CAMK2D: variants seen among roughly 807,000 people sequenced by gnomAD.
CAMK2D encodes calcium/calmodulin dependent protein kinase II delta, also known as calcium/calmodulin-dependent protein kinase type II subunit delta.
Under a neutral mutation model 84.0 loss-of-function variants are expected in CAMK2D, and 37 were observed. That is an observed-to-expected ratio of 0.44 (90% CI 0.34 to 0.58). The LOEUF is 0.58. Ranked by LOEUF, CAMK2D falls within the 20% of genes least tolerant of loss-of-function variation. CAMK2D has a pLI of 0.02. For synonymous variants in CAMK2D, 202 were observed against 212.5 expected (o/e 0.95, Z 0.43); for missense variants, 448 against 652.5 (o/e 0.69, Z 3.41).
intron 3 of CAMK2D, among the ~76,000 whole-genome samples, chr4:113,636,849 G>A (rs1394491118): frequency 6.6e-6 from 1 of 152,076 alleles, no homozygotes; most frequent in East Asian, 1.9e-4. Context: ...TGGGGAGGTG[G>A]GCACAAACAT....
chr4:113,690,148 C>A (rs1410655528), intron 2 of CAMK2D, among the ~76,000 whole-genome samples: 1 of 152,032 alleles, frequency 6.6e-6, no homozygotes, highest in Non-Finnish European at 1.5e-5. Context: ...CTTAGCAAAC[C>A]TCAAAATTTG....
At chr4:113,694,951 T>C (rs924596202) in intron 2 of CAMK2D, among the ~76,000 whole-genome samples, 2 of 152,200 alleles carry the variant, frequency 1.3e-5, no homozygotes, top group African/African-American at 4.8e-5. Context: ...TCATGAATTA[T>C]TAGCATATGG....
At chr4:113,665,429 T>C (rs2099253630) in intron 2 of CAMK2D, among the ~76,000 whole-genome samples, 1 of 152,188 alleles carries the variant, frequency 6.6e-6, no homozygotes, top group African/African-American at 2.4e-5. Context: ...AAAAAGCACA[T>C]TTCTGTATTT....
chr4:113,646,764 T>C (rs1466889036), intron 3 of CAMK2D, among the ~76,000 whole-genome samples: 3 of 152,178 alleles, frequency 2.0e-5, no homozygotes, highest in African/African-American at 4.8e-5. Flanking sequence ...TTGCATGCCA[T>C]CCCCTCGTTC....
At chr4:113,639,993 A>G (rs947326162) in intron 3 of CAMK2D, among the ~76,000 whole-genome samples, 1 of 152,066 alleles carries the variant, frequency 6.6e-6, no homozygotes, top group Non-Finnish European at 1.5e-5. Flanking sequence ...ATAGATTTAA[A>G]AGCCACTGAG....
At chr4:113,685,084 G>C (rs185216300) in intron 2 of CAMK2D, among the ~76,000 whole-genome samples, 1 of 152,230 alleles carries the variant, frequency 6.6e-6, no homozygotes, top group East Asian at 1.9e-4. Flanking sequence ...CCAATGATAG[G>C]AGGGAGTCGC....
intron 6 of CAMK2D, among the ~76,000 whole-genome samples, chr4:113,540,650 T>G (rs1384119609): frequency 6.6e-6 from 1 of 152,196 alleles, no homozygotes; most frequent in African/African-American, 2.4e-5. Flanking sequence ...ACAGTTTCTA[T>G]GAAACAATAA....
chr4:113,721,188 A>G lies in CAMK2D; in HGVS notation c.160+38132T>C, dbSNP rs535672549. On this transcript the variant is annotated intron_variant, in intron 2 of 20. Transcript: ENST00000511664. ...TAATCATCTGCGGTAGGCTGTGACA[A>G]AATAACAGAGGTGAATTTTCAATTT... Among the ~76,000 whole-genome samples, 11 of 152,282 alleles carry G rather than the reference A, an allele frequency of 7.2e-5. No individual in the cohort carries two copies. The East Asian group carries it at 2.1e-3, about 29-fold the overall frequency.
chr4:113,755,030 C>T, intron 2 of CAMK2D: 2 of 984,494 alleles, frequency 2.0e-6, no homozygotes, highest in Non-Finnish European at 2.4e-6. Context: ...AGTCTCAGTT[C>T]TACTTCCAAT....
Position 113,522,718 on chromosome 4 carries a change from T to G in CAMK2D, c.602-5061A>C, listed in dbSNP as rs58422532. Among the ~76,000 whole-genome samples, 780 of 152,334 alleles carry G rather than the reference T, an allele frequency of 5.1e-3. 7 individuals carry two copies. The highest frequency in any genetic ancestry group is 0.018 in the African/African-American group (729 of 41,576). ...AGAGCAAAAGCATTGCATCACCTGT[T>G]CTTTTGATTATTTTAGAGAAGCAAG... On this transcript the variant is annotated intron_variant, in intron 8 of 20. Coordinates refer to ENST00000511664, the MANE Select transcript of CAMK2D (RefSeq NM_001321571.2).
At chr4:113,693,147 T>A (rs977732312) in intron 2 of CAMK2D, among the ~76,000 whole-genome samples, 2 of 152,142 alleles carry the variant, frequency 1.3e-5, no homozygotes, top group African/African-American at 2.4e-5. Context: ...CAAGAAGTAT[T>A]CTGAGTAAGG....
intron 4 of CAMK2D, among the ~76,000 whole-genome samples, chr4:113,601,009 T>C (rs1378944885): frequency 6.6e-6 from 1 of 152,120 alleles, no homozygotes; most frequent in Non-Finnish European, 1.5e-5. Context: ...AGAAACAAAA[T>C]AGAAATAGGC....
intron 16 of CAMK2D, among the ~76,000 whole-genome samples, chr4:113,472,988 C>T (rs2097564674): frequency 6.6e-6 from 1 of 152,114 alleles, no homozygotes; most frequent in South Asian, 2.1e-4. Flanking sequence ...AGAGGCTGTG[C>T]CAGGGTTAGA....
chr4:113,694,596 C>T (rs1356221036), intron 2 of CAMK2D, among the ~76,000 whole-genome samples: 2 of 152,062 alleles, frequency 1.3e-5, no homozygotes, highest in African/African-American at 4.8e-5. Context: ...TCACCAAAAC[C>T]TGTGGGGTAT....
chr4:113,725,263 T>C (rs909417967), intron 2 of CAMK2D, among the ~76,000 whole-genome samples: 2 of 151,990 alleles, frequency 1.3e-5, no homozygotes. Flanking sequence ...CTAAAAAAGA[T>C]GAATGCCCAC....
chr4:113,689,345 G>C (rs531336171), intron 2 of CAMK2D, among the ~76,000 whole-genome samples: 1 of 152,164 alleles, frequency 6.6e-6, no homozygotes, highest in African/African-American at 2.4e-5. Context: ...ACTTCCTCCA[G>C]CATGAACAAA....
chr4:113,680,556 T>C (rs1480013991), intron 2 of CAMK2D, among the ~76,000 whole-genome samples: 1 of 152,090 alleles, frequency 6.6e-6, no homozygotes, highest in Non-Finnish European at 1.5e-5. Context: ...AAAAAAAGTT[T>C]AATAGGTTCA....
At chr4:113,697,716 TA>T (rs1188947447) in intron 2 of CAMK2D, among the ~76,000 whole-genome samples, 1 of 151,858 alleles carries the variant, frequency 6.6e-6, no homozygotes, top group Non-Finnish European at 1.5e-5. Flanking sequence ...TTAAGATACC[TA>T]AAAAAAATTC....
intron 2 of CAMK2D, among the ~76,000 whole-genome samples, chr4:113,676,266 G>A (rs892102190): frequency 6.6e-6 from 1 of 152,140 alleles, no homozygotes; most frequent in East Asian, 1.9e-4. Context: ...GTCTCCAGTG[G>A]TCTTCATTTC....
Sources: allele counts gnomAD v4.1 joint callset (sites outside exome capture counted in the v4.1 genomes callset), GRCh38; gene constraint gnomAD v4.1.1; transcripts MANE v1.5; gene names NCBI Gene and HGNC (gene_info 2026-07-23, HGNC 2026-07-21).